The following LY75 variants were observed in gnomAD, a reference collection of about 807,000 sequenced individuals.
The protein encoded by LY75 is C-type lectin domain family 13 member B.
In LY75, 185 loss-of-function variants were observed where a neutral mutation model predicts 231.7. The ratio of observed to expected loss-of-function variants is 0.80; its 90% CI spans 0.71 to 0.90. LY75 has a LOEUF of 0.90. Among genes scored for constraint, LY75 ranks in the 40% least tolerant of loss-of-function variants. LY75 has a pLI of 0.00. For missense variants in LY75, 1,947 were observed against 2,050.2 expected, an observed-to-expected ratio of 0.95 and a Z score of 0.97; for synonymous variants, 668 against 689.0, an observed-to-expected ratio of 0.97 and a Z score of 0.48.
chr2:159,809,852 A>G (rs949168785), intron 32 of LY75, among the ~76,000 whole-genome samples: 1 of 151,368 alleles, frequency 6.6e-6, no homozygotes, highest in African/African-American at 2.4e-5. Flanking sequence ...TAAGTTTTGT[A>G]TTTTTAGTAG....
In LY75 at chr2:159,873,028, C is replaced by A. The variant is rs112968092; in HGVS notation, c.1975-435G>T. Reference sequence around the variant, plus strand: ...ACACAAAAATAGCACTATTTTCTGACGAGGAACAACCAAAGAGCAGTCTGC... The same window carrying A: ...ACACAAAAATAGCACTATTTTCTGAAGAGGAACAACCAAAGAGCAGTCTGC... On this transcript the variant is annotated intron_variant, in intron 12 of 34. Transcript: ENST00000263636. Among the ~76,000 whole-genome samples the A allele has an allele frequency of 2.0e-5, 3 of 151,874 alleles. No individual in the cohort carries two copies. In the East Asian group the frequency reaches 5.8e-4, roughly 29 times the overall value.
chr2:159,880,590 G>A (rs561543689), intron 8 of LY75, among the ~76,000 whole-genome samples: 1 of 152,206 alleles, frequency 6.6e-6, no homozygotes, highest in Non-Finnish European at 1.5e-5. Context: ...GATGCTCTCA[G>A]ATAGGATATG....
At chr2:159,870,209 TG>T (rs1684969635) in intron 13 of LY75, among the ~76,000 whole-genome samples, 1 of 152,134 alleles carries the variant, frequency 6.6e-6, no homozygotes. Flanking sequence ...CCCAGCACCT[TG>T]GGAGGCCAAG....
intron 31 of LY75, among the ~76,000 whole-genome samples, chr2:159,813,332 G>GT (rs200109491): frequency 0.37 from 52,467 of 141,164 alleles, 9,875 homozygotes; most frequent in Admixed American, 0.5. Context: ...TCTCTGTTTT[G>GT]TTTTTTTTTT....
At chr2:159,874,875 T>TACATATATATTTTGTAAATATATAA (rs1560094316) in intron 12 of LY75, among the ~76,000 whole-genome samples, 1 of 129,472 alleles carries the variant, frequency 7.7e-6, no homozygotes, top group African/African-American at 2.9e-5. Flanking sequence ...TAAATATATA[T>TACATATATATTTTGTAAATATATAA]ACATATATAT....
At position 159,882,123 on chromosome 2, in the gene LY75, C is replaced by T. The variant is rs889418963; in HGVS notation, c.1246+1G>A. On this transcript the variant is annotated splice_donor_variant, in intron 7 of 34. Transcript: ENST00000263636. LOFTEE classifies it high-confidence loss of function. The stretch of plus-strand genomic sequence containing the variant: ...CAAATAGGGTATTTTTAAAAACTTA[C>T]CCTCATTATGGAGTTTTGTGACAAC... 4.3e-6 allele frequency: 7 copies of T among 1,609,956 alleles called. No homozygotes were observed. The highest frequency in any genetic ancestry group is 5.9e-6 in the Non-Finnish European group (7 of 1,178,074).
chr2:159,811,720 T>C (rs1682967869), intron 31 of LY75, among the ~76,000 whole-genome samples: 1 of 152,222 alleles, frequency 6.6e-6, no homozygotes, highest in South Asian at 2.1e-4. Context: ...CCTTAGTTCC[T>C]TCTGCTGCTT....
chr2:159,885,628 T>A (rs1685560933), intron 5 of LY75, among the ~76,000 whole-genome samples: 1 of 152,204 alleles, frequency 6.6e-6, no homozygotes, highest in Non-Finnish European at 1.5e-5. Flanking sequence ...TATTAATTTA[T>A]CATTGTCATG....
chr2:159,894,107 G>GA (rs1190750903), intron 2 of LY75, 23 bp from the exon 3 acceptor site: 51 of 1,569,664 alleles, frequency 3.2e-5, no homozygotes, highest in Non-Finnish European at 4.0e-5. Context: ...GGAAGTTGGG[G>GA]AAAAGAGAGT....
At chr2:159,899,113 C>T in intron 1 of LY75, 54 bp from the exon 2 acceptor site, 1 of 1,569,514 alleles carries the variant, frequency 6.4e-7, no homozygotes, top group Non-Finnish European at 8.6e-7. Flanking sequence ...CGCCTTGCTC[C>T]CTGCCTGCTG....
rs1682745702 is a variant in LY75, at chr2:159,804,749, A to T, written c.*295T>A. On this transcript the variant is annotated 3_prime_UTR_variant, in exon 35 of 35. Coordinates refer to ENST00000263636, the MANE Select transcript of LY75 (RefSeq NM_002349.4). ...TTAAAAATTCTATTAAAATATACAT[A>T]TCCTAGTTACCAATCACATTCATAC... The T allele has an allele frequency of 5.8e-6, 1 of 172,084 alleles. No individual in the cohort carries two copies. The highest frequency in any genetic ancestry group is 1.6e-4 in the East Asian group (1 of 6,450). 10.7% of individuals were successfully genotyped at this position (172,084 alleles called of 1,614,324 possible).
intron 2 of LY75, among the ~76,000 whole-genome samples, chr2:159,895,633 G>A (rs1320998395): frequency 6.6e-6 from 1 of 152,130 alleles, no homozygotes; most frequent in Non-Finnish European, 1.5e-5. Flanking sequence ...ATACATTCAG[G>A]CACTCAGCTG....
chr2:159,880,358 C>A (rs1307390790), intron 8 of LY75, among the ~76,000 whole-genome samples: 3 of 152,094 alleles, frequency 2.0e-5, no homozygotes, highest in Non-Finnish European at 2.9e-5. Context: ...TAAATAAAAC[C>A]ATTTTTTTAC....
intron 23 of LY75, among the ~76,000 whole-genome samples, chr2:159,843,427 C>T (rs1365801): frequency 3.9e-4 from 59 of 151,556 alleles, no homozygotes; most frequent in African/African-American, 1.4e-3. Flanking sequence ...ATTGTCATAA[C>T]GAAAAATGGA....
At chr2:159,834,746 A>T (rs1340066289) in intron 26 of LY75, among the ~76,000 whole-genome samples, 2 of 152,232 alleles carry the variant, frequency 1.3e-5, no homozygotes, top group African/African-American at 4.8e-5. Flanking sequence ...TGAAAAGGCC[A>T]TACATTCACA....
rs80076779 is a variant in LY75 at position 159,815,321 on chromosome 2, T to C, written c.4549+84A>G. 7.3e-3 allele frequency: 10,797 copies of C among 1,471,128 alleles called. 57 individuals are homozygous for C. The highest frequency in any genetic ancestry group is 8.7e-3 in the Middle Eastern group (45 of 5,144). 91.1% of individuals were successfully genotyped at this position (1,471,128 alleles called of 1,614,324 possible). Reference sequence around the variant, plus strand: ...CGGCCCTTGTGAATAAATCTTTAAATAAAAATTCCACTGAGCTTTTAATTA... The same window carrying C: ...CGGCCCTTGTGAATAAATCTTTAAACAAAAATTCCACTGAGCTTTTAATTA... On this transcript the variant is annotated intron_variant, in intron 31 of 34. Transcript: ENST00000263636.
chr2:159,885,260 C>G lies in LY75; in HGVS notation c.947G>C (p.Ser316Thr), dbSNP rs753200855. The part of the protein sequence containing the change: ...RPSAPTIGGS[S>T]CARMDAESGL... ...AGACTCAGCATCCATTCTTGCACAG[C>G]TGGAGCCACCTATAGTAGGTGCACT... The change falls in exon 6 of 35, where the codon AGC becomes ACC. Residue 316 changes from serine (S) to threonine (T), a missense_variant. Transcript: ENST00000263636. 2.5e-6 allele frequency: 4 copies of G among 1,613,648 alleles called. No homozygotes were observed. Among genetic ancestry groups the G allele is most frequent in the South Asian group, 1.1e-5 (1 of 91,066 alleles).
chr2:159,842,817 G>A (rs76946375), intron 23 of LY75, among the ~76,000 whole-genome samples: 1 of 151,856 alleles, frequency 6.6e-6, no homozygotes, highest in Non-Finnish European at 1.5e-5. Context: ...GAAGTATCTA[G>A]ATTTCATTTT....
intron 13 of LY75, among the ~76,000 whole-genome samples, chr2:159,867,795 G>T (rs1412033803): frequency 6.6e-6 from 1 of 152,152 alleles, no homozygotes; most frequent in Non-Finnish European, 1.5e-5. Context: ...TAATCCTATG[G>T]CTATTTTTGC....
Sources: allele counts gnomAD v4.1 joint callset (sites outside exome capture counted in the v4.1 genomes callset), GRCh38; gene constraint gnomAD v4.1.1; transcripts MANE v1.5; gene names NCBI Gene and HGNC (gene_info 2026-07-23, HGNC 2026-07-21).